Variants in GALNT13 observed in about 807,000 individuals in gnomAD.
GALNT13 encodes the protein UDP-GalNAc:polypeptide N-acetylgalactosaminyltransferase 13.
A neutral mutation model predicts 64.2 loss-of-function variants in GALNT13; 28 were observed. That is an observed-to-expected ratio of 0.44 (90% CI 0.32 to 0.60). The LOEUF (loss-of-function observed/expected upper bound fraction) is 0.60. GALNT13 is among the 20% of genes least tolerant of loss of function. GALNT13 has a pLI of 0.05. For synonymous variants in GALNT13, 214 were observed against 224.6 expected (o/e 0.95, Z 0.42); for missense variants, 577 against 669.8 (o/e 0.86, Z 1.53).
chr2:153,448,764 A>T, the GALNT13 span, among the ~76,000 whole-genome samples: 1 of 152,124 alleles, frequency 6.6e-6, no homozygotes, highest in East Asian at 1.9e-4. Context: ...GGACTCAGCC[A>T]AAGGCATCAC....
chr2:153,360,957 A>G, the GALNT13 span, among the ~76,000 whole-genome samples: 4 of 152,156 alleles, frequency 2.6e-5, no homozygotes, highest in Non-Finnish European at 5.9e-5. Flanking sequence ...CACCCTATAC[A>G]GGAGCACTCC....
the GALNT13 span, among the ~76,000 whole-genome samples, chr2:153,656,339 T>TGTGC: frequency 0.035 from 4,893 of 141,494 alleles, 118 homozygotes; most frequent in Non-Finnish European, 0.052. Context: ...TGTGTGTGTG[T>TGTGC]GCGCGCGCAC....
At chr2:154,172,007 A>ACACACACACACAC (rs1559003500) in intron 4 of GALNT13, among the ~76,000 whole-genome samples, 2 of 144,032 alleles carry the variant, frequency 1.4e-5, no homozygotes, top group African/African-American at 5.4e-5. Context: ...CACACACACA[A>ACACACACACACAC]TGCTAAGCCA....
intron 3 of GALNT13, among the ~76,000 whole-genome samples, chr2:154,046,558 A>G (rs1340589325): frequency 6.6e-6 from 1 of 152,186 alleles, no homozygotes; most frequent in African/African-American, 2.4e-5. Flanking sequence ...CTTGTTCAGA[A>G]TTATCCTTGC....
At chr2:154,061,717 T>G (rs1249641586) in intron 3 of GALNT13, among the ~76,000 whole-genome samples, 1 of 147,152 alleles carries the variant, frequency 6.8e-6, no homozygotes, top group African/African-American at 2.5e-5. Flanking sequence ...TGACCCCAAA[T>G]GTTTCAGGAT....
chr2:153,421,357 C>A, the GALNT13 span: 2 of 223,074 alleles, frequency 9.0e-6, no homozygotes, highest in South Asian at 8.9e-5. Flanking sequence ...GTTTCTACAA[C>A]AGATGCCATA....
At chr2:153,626,182 C>G in the GALNT13 span, among the ~76,000 whole-genome samples, 1 of 152,082 alleles carries the variant, frequency 6.6e-6, no homozygotes, top group Non-Finnish European at 1.5e-5. Flanking sequence ...CTTTGTCCAA[C>G]TCACTCAATG....
chr2:153,629,872 A>G, the GALNT13 span, among the ~76,000 whole-genome samples: 4 of 148,652 alleles, frequency 2.7e-5, no homozygotes, highest in African/African-American at 1.0e-4. Flanking sequence ...AAAGACATTT[A>G]TGCAGCCAAA....
chr2:153,150,047 C>A, the GALNT13 span, among the ~76,000 whole-genome samples: 1 of 151,702 alleles, frequency 6.6e-6, no homozygotes, highest in African/African-American at 2.4e-5. Context: ...TCTGTGTCAT[C>A]CATGATCTCT....
intron 1 of GALNT13, among the ~76,000 whole-genome samples, chr2:153,892,441 A>T (rs967317145): frequency 3.6e-4 from 54 of 152,038 alleles, no homozygotes; most frequent in Non-Finnish European, 6.0e-4. Flanking sequence ...GCTAAAAATA[A>T]AACCCATTTC....
At chr2:153,740,996 A>T in the GALNT13 span, among the ~76,000 whole-genome samples, 128,568 of 152,154 alleles carry the variant, frequency 0.84, 55,186 homozygotes, top group Middle Eastern at 0.89. Flanking sequence ...GTTATAAAAG[A>T]GGGAGTGTTA....
the GALNT13 span, among the ~76,000 whole-genome samples, chr2:153,697,869 G>A: frequency 2.6e-5 from 4 of 152,126 alleles, no homozygotes; most frequent in African/African-American, 9.7e-5. Context: ...CAAGCAGTTG[G>A]GAATTTATTG....
At position 153,872,613 on chromosome 2, in the gene GALNT13, T is replaced by TTCGGGG. The variant is rs146750938; in HGVS notation, c.-177+310_-177+311insTCGGGG. Reference sequence around the variant, plus strand: ...TTTTCTGGCTACCCCGGTGAGTTGTTGGTGGCGGGGGGGGGGGGGGGAGCG... The same window carrying TTCGGGG: ...TTTTCTGGCTACCCCGGTGAGTTGTTTCGGGGGGTGGCGGGGGGGGGGGGGGGAGCG... On this transcript the variant is annotated intron_variant, in intron 1 of 12. Coordinates refer to ENST00000392825, the MANE Select transcript of GALNT13 (RefSeq NM_052917.4). Among the ~76,000 whole-genome samples, 8 of 60,756 alleles carry TTCGGGG rather than the reference T, an allele frequency of 1.3e-4. 2 individuals carry two copies. The highest frequency in any genetic ancestry group is 1.2e-3 in the South Asian group (2 of 1,710). 39.9% of individuals were successfully genotyped at this position (60,756 alleles called of 152,430 possible).
At chr2:153,230,630 C>T in the GALNT13 span, among the ~76,000 whole-genome samples, 9 of 152,248 alleles carry the variant, frequency 5.9e-5, no homozygotes, top group East Asian at 1.7e-3. Flanking sequence ...AATCATTTCC[C>T]CCTGGAATGA....
the GALNT13 span, among the ~76,000 whole-genome samples, chr2:153,338,988 C>T: frequency 2.0e-5 from 3 of 152,216 alleles, no homozygotes; most frequent in African/African-American, 4.8e-5. Context: ...TACTATTCCA[C>T]TCTGTATATA....
chr2:154,097,523 C>A (rs540016040), intron 3 of GALNT13, among the ~76,000 whole-genome samples: 3 of 152,012 alleles, frequency 2.0e-5, no homozygotes, highest in East Asian at 3.9e-4. Context: ...TTAAAACAAA[C>A]AAAATTATTA....
chr2:154,260,993 A>G (rs1690665141), intron 8 of GALNT13, among the ~76,000 whole-genome samples: 1 of 152,174 alleles, frequency 6.6e-6, no homozygotes, highest in Non-Finnish European at 1.5e-5. Context: ...TCTTACTTTT[A>G]TCACATATCT....
At chr2:153,812,071 T>C in the GALNT13 span, among the ~76,000 whole-genome samples, 2 of 152,224 alleles carry the variant, frequency 1.3e-5, no homozygotes, top group Admixed American at 1.3e-4. Context: ...TTGTGCCCTA[T>C]CTTGTCCACA....
chr2:153,313,140 A>G, the GALNT13 span, among the ~76,000 whole-genome samples: 1 of 152,186 alleles, frequency 6.6e-6, no homozygotes, highest in East Asian at 1.9e-4. Flanking sequence ...CAATTCCTCA[A>G]AGACCTAAAA....
Sources: allele counts gnomAD v4.1 joint callset (sites outside exome capture counted in the v4.1 genomes callset), GRCh38; gene constraint gnomAD v4.1.1; transcripts MANE v1.5; gene names NCBI Gene and HGNC (gene_info 2026-07-23, HGNC 2026-07-21).